The following HYI variants were observed in gnomAD, a reference collection of about 807,000 sequenced individuals.
The protein encoded by HYI is hydroxypyruvate isomerase (putative), also known as putative hydroxypyruvate isomerase.
In HYI, 47 loss-of-function variants were observed where a neutral mutation model predicts 39.7. The ratio of observed to expected loss-of-function variants is 1.18; its 90% CI spans 0.94 to 1.51. The LOEUF (loss-of-function observed/expected upper bound fraction) is 1.51. Among genes scored for constraint, HYI ranks in the 40% most tolerant of loss-of-function variants. The pLI, the probability that HYI is intolerant of heterozygous loss-of-function variation, is 0.00. For missense variants in HYI, 465 were observed against 370.3 expected (o/e 1.26, Z -2.10); for synonymous variants, 186 against 158.8 (o/e 1.17, Z -1.29).
intron 6 of HYI, 35 bp from the exon 7 acceptor site, chr1:43,451,579 C>T: frequency 3.7e-6 from 6 of 1,613,442 alleles, no homozygotes; most frequent in Admixed American, 1.7e-5. Context: ...GGGGTCCAGG[C>T]TCCTGCCAGG....
At chr1:43,450,635 C>A, downstream of HYI, 1 of 1,168,776 alleles carries the variant, frequency 8.6e-7, no homozygotes, top group Non-Finnish European at 1.2e-6. This position sits in a 1 kb window ranked among gnomAD's most constrained non-coding sequence, Gnocchi z 4.3. Context: ...TGAGGGTCTG[C>A]TGCCCCAGCC....
chr1:43,452,678 T>C, intron 2 of HYI: 1 of 604,182 alleles, frequency 1.7e-6, no homozygotes, highest in Non-Finnish European at 2.9e-6. Flanking sequence ...CTACTTCCTC[T>C]CCTCGCATCT....
In HYI at chr1:43,453,644, G is replaced by C. The variant is rs1028691456; in HGVS notation, c.150C>G (p.Arg50=). 8.1e-6 allele frequency: 12 copies of C among 1,490,476 alleles called. No individual in the cohort carries two copies. In the East Asian group the frequency reaches 3.4e-4, roughly 42 times the overall value. The allele number at this position is 1,490,476 out of a possible 1,614,324, so 92.3% of individuals were successfully genotyped here. A position where few individuals can be genotyped will look rare whatever the true frequency, so the allele number is the denominator to read the frequency against. The stretch of plus-strand genomic sequence containing the variant: ...GCCGCAGCCCCGCTTCTCGCGCGGC[G>C]CGCGCCAGCGCCTCAGGCGTCTCCG... ...PYAETPEALA[R]AAREAGLRLV... The change falls in exon 1 of 8, where the codon CGC becomes CGG. Residue 50 remains arginine, a synonymous_variant. Transcript: ENST00000372430.
rs768958588 is a variant in HYI at position 43,452,276 on chromosome 1, T to G, written c.355A>C (p.Ile119Leu). ...GCCTCCATCTCAGCCTTGACTGCTA[T>G]TCGATCAGCTCCCTGGGGTACTCGG... is the stretch of plus-strand genomic sequence containing the variant. ...AGRVPQGADR[I>L]AVKAEMEAVF... Residue 119 changes from isoleucine (I) to leucine (L), a missense_variant, in exon 3 of 8, where the codon ATA becomes CTA. Ile to Leu is a conservative substitution (Grantham distance 5). Transcript: ENST00000372430. 6.2e-7 allele frequency: 1 copy of G among 1,614,104 alleles called. No individual in the cohort carries two copies. The highest frequency in any genetic ancestry group is 8.5e-7 in the Non-Finnish European group (1 of 1,179,988).
chr1:43,451,557 G>A lies in HYI; in HGVS notation c.626-13C>T, dbSNP rs1418102978. On this transcript the variant is annotated splice_polypyrimidine_tract_variant and intron_variant, in intron 6 of 7. Transcript: ENST00000372430. ...ACCTGCACATGCCCTGGGGACAGAT[G>A]TGGACAAATGTGGGGTCCAGGCTCC... The A allele has an allele frequency of 6.2e-6, 10 of 1,613,514 alleles. No individual in the cohort carries two copies. The Middle Eastern group carries it at 4.9e-4, about 80-fold the overall frequency.
chr1:43,453,459 G>C lies in HYI; in HGVS notation c.238C>G (p.Pro80Ala). The C allele has an allele frequency of 6.4e-7, 1 of 1,563,512 alleles. No homozygotes were observed. Among genetic ancestry groups the C allele is most frequent in the Non-Finnish European group, 8.7e-7 (1 of 1,152,912 alleles). Residue 80 changes from proline (P) to alanine (A), a missense_variant, in exon 2 of 8, where the codon CCC becomes GCC. Transcript: ENST00000372430. The part of the protein sequence containing the change: ...EKGEMGLGAV[P>A]GRQAAFREGL... Reference sequence around the variant, plus strand: ...TCTCGGAAGGCCGCCTGTCTCCCGGGGACGGCCCCCAGCCCCATTTCCCCC... The same window carrying C: ...TCTCGGAAGGCCGCCTGTCTCCCGGCGACGGCCCCCAGCCCCATTTCCCCC...
At chr1:43,452,664 GTC>G in intron 2 of HYI, 1 of 601,750 alleles carries the variant, frequency 1.7e-6, no homozygotes, top group Non-Finnish European at 3.0e-6. Flanking sequence ...CCATGCTGCT[GTC>G]TCTACTTCCT....
At position 43,451,471 on chromosome 1, in the gene HYI, C is replaced by A; in HGVS notation, c.699G>T (p.Leu233=). 1 of 1,614,140 alleles carries A rather than the reference C, an allele frequency of 6.2e-7. No individual in the cohort carries two copies. The highest frequency in any genetic ancestry group is 8.5e-7 in the Non-Finnish European group (1 of 1,180,038). The part of the protein sequence containing the change: ...SSPGELNFPY[L]FQLLEDEGYK... ...AGCCTTCATCTTCCAGCAGTTGAAACAGATAGGGGAAATTCAGCTCTCCGG... is the reference window on the plus strand; with the variant it reads ...AGCCTTCATCTTCCAGCAGTTGAAAAAGATAGGGGAAATTCAGCTCTCCGG... The change falls in exon 7 of 8, where the codon CTG becomes CTT. Residue 233 remains leucine (L), a synonymous_variant. Transcript: ENST00000372430.
intron 2 of HYI, 71 bp from the exon 3 acceptor site, chr1:43,452,390 T>C: frequency 1.6e-6 from 2 of 1,264,536 alleles, no homozygotes; most frequent in African/African-American, 1.5e-5. Context: ...ATTCCCTGAC[T>C]GTGCCAGCCC....
Position 43,453,583 on chromosome 1 carries a change from C to T in HYI, c.199+12G>A, listed in dbSNP as rs1260350163. ...CCCCCAGCCCTCCCAGCCCTCCCGGCCCGCGACGCACCCGGGGGCGTGTTG... is the reference window on the plus strand; with the variant it reads ...CCCCCAGCCCTCCCAGCCCTCCCGGTCCGCGACGCACCCGGGGGCGTGTTG... On this transcript the variant is annotated intron_variant, in intron 1 of 7. Transcript: ENST00000372430. 6.6e-7 allele frequency: 1 copy of T among 1,520,152 alleles called. No individual in the cohort carries two copies. The highest frequency in any genetic ancestry group is 8.8e-7 in the Non-Finnish European group (1 of 1,132,740). 94.2% of individuals were successfully genotyped at this position (1,520,152 alleles called of 1,614,324 possible). A position where few individuals can be genotyped will look rare whatever the true frequency, so the allele number is the denominator to read the frequency against.
intron 3 of HYI, 21 bp downstream of exon 3, chr1:43,452,184 G>T: frequency 6.3e-7 from 1 of 1,587,816 alleles, no homozygotes; most frequent in Non-Finnish European, 8.6e-7. Context: ...GTAAGTACGT[G>T]TGTGTTTCCA....
chr1:43,450,806 C>T (rs1311830762), downstream of HYI: 3 of 709,032 alleles, frequency 4.2e-6, no homozygotes, highest in Non-Finnish European at 7.8e-6. This position sits in a 1 kb window ranked among gnomAD's most constrained non-coding sequence, Gnocchi z 4.3. Flanking sequence ...CAAACACCCC[C>T]TAGAGCTCCT....
rs1019716173 is a variant in HYI at position 43,453,641 on chromosome 1, G to A, written c.153C>T (p.Ala51=). 17 of 1,491,924 alleles carry A rather than the reference G, an allele frequency of 1.1e-5. No individual in the cohort carries two copies. In the South Asian group the frequency reaches 1.1e-4, roughly 10 times the overall value. 92.4% of individuals were successfully genotyped at this position (1,491,924 alleles called of 1,614,324 possible). A position where few individuals can be genotyped will look rare whatever the true frequency, so the allele number is the denominator to read the frequency against. ...CAAGCCGCAGCCCCGCTTCTCGCGC[G>A]GCGCGCGCCAGCGCCTCAGGCGTCT... ...YAETPEALAR[A]AREAGLRLVL... The change falls in exon 1 of 8, where the codon GCC becomes GCT. Residue 51 remains alanine (A), a synonymous_variant. Coordinates refer to ENST00000372430, the MANE Select transcript of HYI (RefSeq NM_001190880.3).
In HYI at chr1:43,453,868, G is replaced by C; in HGVS notation, c.-75C>G. 8.2e-7 allele frequency: 1 copy of C among 1,218,286 alleles called. No individual in the cohort carries two copies. The highest frequency in any genetic ancestry group is 1.0e-6 in the Non-Finnish European group (1 of 983,284). 75.5% of individuals were successfully genotyped at this position (1,218,286 alleles called of 1,614,324 possible). A position where few individuals can be genotyped will look rare whatever the true frequency, so the allele number is the denominator to read the frequency against. On this transcript the variant is annotated 5_prime_UTR_variant, in exon 1 of 8. Coordinates refer to ENST00000372430, the MANE Select transcript of HYI (RefSeq NM_001190880.3). ...GCGGCGGGCGGCGGGCGGCGGGCGG[G>C]GGCGGGGCTCTCCTTGCTGGCCCTG...
At chr1:43,452,044 C>G in intron 3 of HYI, 31 bp from the exon 4 acceptor site, 1 of 1,585,454 alleles carries the variant, frequency 6.3e-7, no homozygotes, top group Non-Finnish European at 8.6e-7. Context: ...GTGAATAGAG[C>G]TCCTTCCCAA....
chr1:43,451,622 G>A (rs1241162487), intron 6 of HYI, 26 bp downstream of exon 6: 4 of 1,614,056 alleles, frequency 2.5e-6, no homozygotes, highest in East Asian at 4.5e-5. Context: ...TTGAAAGGGT[G>A]GGAGGGCAAA....
At position 43,451,183 on chromosome 1, in the gene HYI, G is replaced by A. The variant is rs1262117072; in HGVS notation, c.*55C>T. ...TTCAGCAGGTCATCTTTAATGCAGA[G>A]GAGGAGATGGGATGTCACTCGCTGT... On this transcript the variant is annotated 3_prime_UTR_variant, in exon 8 of 8. Transcript: ENST00000372430. 3.4e-6 allele frequency: 5 copies of A among 1,475,540 alleles called. No homozygotes were observed. In the African/African-American group the frequency reaches 6.9e-5, roughly 20 times the overall value. The allele number at this position is 1,475,540 out of a possible 1,614,324, so 91.4% of individuals were successfully genotyped here.
intron 2 of HYI, chr1:43,452,683 G>A (rs1426880681): frequency 2.3e-5 from 14 of 603,462 alleles, no homozygotes; most frequent in African/African-American, 9.3e-5. Context: ...TCCTCTCCTC[G>A]CATCTACTTA....
rs149762020 is a variant in HYI, at chr1:43,452,224, G to C, written c.407C>G (p.Ala136Gly). 4.6e-5 allele frequency: 74 copies of C among 1,613,196 alleles called. 1 individual carries two copies. In the African/African-American group the frequency reaches 7.2e-4, roughly 16 times the overall value. Residue 136 changes from alanine (A) to glycine (G), a missense_variant, in exon 3 of 8, where the codon GCA (alanine) becomes GGA (glycine). Ala to Gly is a moderately conservative substitution (Grantham distance 60, BLOSUM62 0). Coordinates refer to ENST00000372430, the MANE Select transcript of HYI (RefSeq NM_001190880.3). Reference protein sequence around the residue: ...EAVFLENLRHAAGVLAQEDLV... With the variant: ...EAVFLENLRHGAGVLAQEDLV... ...TCTCACCTGAGCCAAAACCCCAGCT[G>C]CATGCCTCAGGTTCTCCAGAAAAAC...
Sources: gnomAD v4.1 joint callset for allele counts on GRCh38, gnomAD v4.1.1 for gene constraint, Gnocchi (gnomAD v3.1) non-coding constraint, MANE v1.5 for transcripts, NCBI Gene and HGNC (gene_info 2026-07-23, HGNC 2026-07-21) for gene names.